The following BAIAP2 variants were observed in gnomAD, a reference collection of about 807,000 sequenced individuals.
BAIAP2 encodes the protein BAR/IMD domain containing adaptor protein 2.
BAIAP2 carries 18 observed loss-of-function variants against 63.0 expected under a neutral mutation model. The ratio of observed to expected loss-of-function variants is 0.29; its 90% confidence interval spans 0.20 to 0.42. BAIAP2 has a LOEUF of 0.42. Among genes scored for constraint, BAIAP2 ranks in the 10% least tolerant of loss-of-function variants. BAIAP2 has a pLI of 1.00. For synonymous variants in BAIAP2, 386 were observed against 307.6 expected, an observed-to-expected ratio of 1.25 and a Z score of -2.67; for missense variants, 610 against 734.3, an observed-to-expected ratio of 0.83 and a Z score of 1.96.
chr17:81,077,677 G>A (rs2053884814), intron 3 of BAIAP2, among the ~76,000 whole-genome samples: 1 of 152,274 alleles, frequency 6.6e-6, no homozygotes, highest in African/African-American at 2.4e-5. Flanking sequence ...CCCGTCCTGA[G>A]GCTGGTGGTG....
chr17:81,042,468 A>G (rs948343219), intron 1 of BAIAP2, among the ~76,000 whole-genome samples: 11 of 152,136 alleles, frequency 7.2e-5, no homozygotes, highest in Admixed American at 7.2e-4. Flanking sequence ...TTTCTTGATC[A>G]GCAGGTTTTC....
intron 11 of BAIAP2, 108 bp from the exon 12 acceptor site, chr17:81,106,637 G>C (rs574036216): frequency 3.7e-6 from 5 of 1,334,956 alleles, no homozygotes; most frequent in Non-Finnish European, 3.1e-6. Flanking sequence ...CAGCCTCCCC[G>C]CATGTGGCGT....
chr17:81,059,894 C>T (rs12951368), intron 3 of BAIAP2, among the ~76,000 whole-genome samples: 26,302 of 152,012 alleles, frequency 0.17, 2,444 homozygotes, highest in Middle Eastern at 0.31. Flanking sequence ...TGGGTGGGTC[C>T]GAAATGGGTG....
Position 81,103,627 on chromosome 17 carries a change from C to A in BAIAP2, c.768C>A (p.Ser256Arg). 6.2e-7 allele frequency: 1 copy of A among 1,605,776 alleles called. No homozygotes were observed. Among genetic ancestry groups the A allele is most frequent in the Non-Finnish European group, 8.5e-7 (1 of 1,178,956 alleles). Reference sequence around the variant, plus strand: ...CCAGCAACGGCGCCACCCTCCCCAGCGCCCTGTCGGCCTCCAAGTCCAACC... The same window carrying A: ...CCAGCAACGGCGCCACCCTCCCCAGAGCCCTGTCGGCCTCCAAGTCCAACC... ...QVASNGATLP[S>R]ALSASKSNLV... is the part of the protein sequence containing the mutation. The change falls in exon 8 of 14, where the codon AGC becomes AGA. Residue 256 changes from serine to arginine, a missense_variant. By Grantham distance (110) the Ser-to-Arg change is moderately radical. Transcript: ENST00000428708.
rs1042822293 is a variant in BAIAP2 at position 81,046,262 on chromosome 17, C to T, written c.55-7406C>T. Among the ~76,000 whole-genome samples, 4 of 152,070 alleles carry T rather than the reference C, an allele frequency of 2.6e-5. No homozygotes were observed. Among genetic ancestry groups the T allele is most frequent in the African/African-American group, 9.7e-5 (4 of 41,372 alleles). ...TTCCTCCCAGAAACTTCCATGCATC[C>T]CCTCGTTTCCTAAATCCGTGTACAT... On this transcript the variant is annotated intron_variant, in intron 1 of 13. Coordinates refer to ENST00000428708, the MANE Select transcript of BAIAP2 (RefSeq NM_001144888.2). This position sits in a 1 kb window ranked among gnomAD's most constrained non-coding sequence, Gnocchi z 4.5.
intron 6 of BAIAP2, among the ~76,000 whole-genome samples, chr17:81,091,636 C>G (rs1162468144): frequency 5.3e-5 from 8 of 152,218 alleles, no homozygotes; most frequent in Non-Finnish European, 1.2e-4. Context: ...GAGTGCAGGG[C>G]AGGAGTCTGG....
At chr17:81,053,155 G>T (rs973889416) in intron 1 of BAIAP2, among the ~76,000 whole-genome samples, 1 of 152,212 alleles carries the variant, frequency 6.6e-6, no homozygotes, top group East Asian at 1.9e-4. Context: ...AGAGCCGTTG[G>T]ATTATTCATA....
At chr17:81,108,198 G>C in intron 12 of BAIAP2, 1 of 525,932 alleles carries the variant, frequency 1.9e-6, no homozygotes, top group Non-Finnish European at 3.4e-6. Context: ...GGCCAGTCTT[G>C]CATCTGTTTG....
intron 10 of BAIAP2, chr17:81,105,067 CCCA>C (rs2058985269): frequency 1.4e-5 from 3 of 219,336 alleles, no homozygotes; most frequent in Non-Finnish European, 2.8e-5. Context: ...GGGGTCTCCC[CCCA>C]ATGGCTCGGG....
At chr17:81,114,594 G>A (rs1161811649) in intron 13 of BAIAP2, among the ~76,000 whole-genome samples, 1 of 152,236 alleles carries the variant, frequency 6.6e-6, no homozygotes, top group Non-Finnish European at 1.5e-5. Context: ...GAGTCTGGGA[G>A]CCTTCCGCAG....
chr17:81,098,633 T>G (rs2058041685), intron 6 of BAIAP2, among the ~76,000 whole-genome samples: 1 of 151,996 alleles, frequency 6.6e-6, no homozygotes, highest in South Asian at 2.1e-4. Flanking sequence ...ATCTGGAAGC[T>G]CTGTCAGGTT....
intron 13 of BAIAP2, chr17:81,109,534 G>A: frequency 3.0e-6 from 3 of 985,592 alleles, no homozygotes; most frequent in Non-Finnish European, 3.6e-6. Context: ...GAAGGTGCTG[G>A]GGTCCCTGGC....
At chr17:81,108,236 G>C in intron 12 of BAIAP2, 3 of 590,890 alleles carry the variant, frequency 5.1e-6, no homozygotes, top group Non-Finnish European at 9.0e-6. Context: ...CACAAATTGA[G>C]GTGGCCGCTG....
At chr17:81,114,692 A>C (rs1274704059) in intron 13 of BAIAP2, among the ~76,000 whole-genome samples, 2 of 152,210 alleles carry the variant, frequency 1.3e-5, no homozygotes, top group East Asian at 3.8e-4. Context: ...GTCCTCAGGA[A>C]AGCTTAGGGA....
intron 6 of BAIAP2, among the ~76,000 whole-genome samples, chr17:81,097,246 G>A (rs1340476516): frequency 6.6e-6 from 1 of 152,234 alleles, no homozygotes; most frequent in African/African-American, 2.4e-5. Flanking sequence ...TGGGAAAGCA[G>A]GGTGGGCTGC....
Position 81,111,333 on chromosome 17 carries a change from A to G in BAIAP2, c.1535+2824A>G, listed in dbSNP as rs997715216. 2.6e-5 allele frequency among the ~76,000 whole-genome samples: 4 copies of G among 152,206 alleles called. No homozygotes were observed. The South Asian group carries it at 8.3e-4, about 31-fold the overall frequency. On this transcript the variant is annotated intron_variant, in intron 13 of 13. Transcript: ENST00000428708. ...CCCGGGCCTTTCCCGCCTGACTCGC[A>G]GCGCCAGCTTGGGCTCCTTCGGGTG...
chr17:81,080,331 T>G (rs1001739567), intron 3 of BAIAP2, among the ~76,000 whole-genome samples: 5 of 152,218 alleles, frequency 3.3e-5, no homozygotes, highest in African/African-American at 1.2e-4. Flanking sequence ...AAGGTGCAGT[T>G]TAAAAATTCA....
chr17:81,054,761 T>TC (rs1024425541), intron 2 of BAIAP2, among the ~76,000 whole-genome samples: 4 of 152,070 alleles, frequency 2.6e-5, no homozygotes, highest in Admixed American at 6.5e-5. Flanking sequence ...CTGAGACGCT[T>TC]CCCATCGCCC....
chr17:81,097,079 C>T (rs1467867088), intron 6 of BAIAP2, among the ~76,000 whole-genome samples: 5 of 152,204 alleles, frequency 3.3e-5, no homozygotes, highest in Non-Finnish European at 5.9e-5. Context: ...CTTGCAGGGC[C>T]TCTCACCTGT....
Sources: gnomAD v4.1 joint callset for allele counts (sites outside exome capture counted in the v4.1 genomes callset) on GRCh38, gnomAD v4.1.1 for gene constraint, Gnocchi (gnomAD v3.1) non-coding constraint, MANE v1.5 for transcripts, NCBI Gene and HGNC (gene_info 2026-07-23, HGNC 2026-07-21) for gene names.